Variants in LRRTM4 observed in about 807,000 individuals in gnomAD.
The protein encoded by LRRTM4 is leucine-rich repeat transmembrane neuronal protein 4.
Under a neutral mutation model 47.6 loss-of-function variants are expected in LRRTM4, and 25 were observed. The ratio of observed to expected loss-of-function variants is 0.53; its 90% CI spans 0.38 to 0.73. The LOEUF (loss-of-function observed/expected upper bound fraction) is 0.73. LRRTM4 is among the 30% of genes least tolerant of loss of function. The pLI is 0.00. For missense variants in LRRTM4, 638 were observed against 713.4 expected (o/e 0.89, Z 1.20); for synonymous variants, 311 against 269.5 (o/e 1.15, Z -1.51).
chr2:76,977,046 C>T (rs542137361), intron 3 of LRRTM4, among the ~76,000 whole-genome samples: 1 of 151,556 alleles, frequency 6.6e-6, no homozygotes, highest in South Asian at 2.1e-4. Context: ...TGTCAGTGTA[C>T]GTGTATGTGT....
At chr2:77,241,699 T>A (rs1675273198) in intron 3 of LRRTM4, among the ~76,000 whole-genome samples, 1 of 152,118 alleles carries the variant, frequency 6.6e-6, no homozygotes, top group African/African-American at 2.4e-5. Flanking sequence ...AATATATAAA[T>A]ATTCGCTAAT....
intron 3 of LRRTM4, among the ~76,000 whole-genome samples, chr2:77,033,616 T>C (rs889688109): frequency 2.0e-5 from 3 of 151,894 alleles, no homozygotes; most frequent in African/African-American, 7.2e-5. Flanking sequence ...TTGGGGCTCT[T>C]AGTTTAGATT....
At position 77,070,700 on chromosome 2, in the gene LRRTM4, C is replaced by T. The variant is rs373057145; in HGVS notation, c.1552-321784G>A. Among the ~76,000 whole-genome samples the T allele has an allele frequency of 1.2e-4, 18 of 152,110 alleles. 1 individual carries two copies. Among genetic ancestry groups the T allele is most frequent in the African/African-American group, 1.9e-4 (8 of 41,508 alleles). On this transcript the variant is annotated intron_variant, in intron 3 of 3. Transcript: ENST00000409884. The stretch of plus-strand genomic sequence containing the variant: ...GGCTAGAGGGCAATGGCATGCTCTC[C>T]GCTCACTGCATCTTCTGCCTCCCAG...
intron 3 of LRRTM4, among the ~76,000 whole-genome samples, chr2:77,021,335 G>A (rs773929617): frequency 6.6e-6 from 1 of 152,072 alleles, no homozygotes; most frequent in Non-Finnish European, 1.5e-5. Context: ...GGAGGGACAT[G>A]CATCAGTGGA....
intron 3 of LRRTM4, among the ~76,000 whole-genome samples, chr2:77,200,692 G>A (rs2103898630): frequency 6.6e-6 from 1 of 152,132 alleles, no homozygotes; most frequent in African/African-American, 2.4e-5. Context: ...TGCTACAAAG[G>A]TCAGCAGTTA....
intron 3 of LRRTM4, among the ~76,000 whole-genome samples, chr2:76,768,832 C>T (rs1020462421): frequency 2.6e-5 from 4 of 152,078 alleles, no homozygotes; most frequent in African/African-American, 7.2e-5. Context: ...TGCATGAAAC[C>T]GGTAAATATT....
chr2:77,105,139 A>G lies in LRRTM4; in HGVS notation c.1552-356223T>C, dbSNP rs191140296. ...ATTTAGAAATATGCCAATAAGTCCC[A>G]ATATGTGAATATTATTTGGATGCTG... is the stretch of plus-strand genomic sequence containing the variant. On this transcript the variant is annotated intron_variant, in intron 3 of 3. Transcript: ENST00000409884. Among the ~76,000 whole-genome samples the G allele has an allele frequency of 1.6e-4, 24 of 152,294 alleles. No individual in the cohort carries two copies. The East Asian group carries it at 4.4e-3, about 28-fold the overall frequency.
At chr2:76,914,448 T>C (rs1674176699) in intron 3 of LRRTM4, among the ~76,000 whole-genome samples, 1 of 152,152 alleles carries the variant, frequency 6.6e-6, no homozygotes, top group African/African-American at 2.4e-5. Flanking sequence ...ATCTGGATTA[T>C]ATTTTTTGTA....
intron 3 of LRRTM4, among the ~76,000 whole-genome samples, chr2:77,469,144 G>C (rs1016675251): frequency 1.3e-5 from 2 of 152,200 alleles, no homozygotes; most frequent in East Asian, 3.9e-4. Context: ...GAGGGAAAGA[G>C]GTTAGCTTAT....
At chr2:77,268,031 A>T (rs1208427270) in intron 3 of LRRTM4, among the ~76,000 whole-genome samples, 4 of 152,076 alleles carry the variant, frequency 2.6e-5, no homozygotes, top group Non-Finnish European at 5.9e-5. Flanking sequence ...TTTCTTTCAT[A>T]AATTTATACT....
chr2:77,129,601 T>C (rs757244995), intron 3 of LRRTM4, among the ~76,000 whole-genome samples: 1 of 152,190 alleles, frequency 6.6e-6, no homozygotes, highest in Non-Finnish European at 1.5e-5. Flanking sequence ...ATTTTCTAGT[T>C]TCATTAAGAT....
intron 3 of LRRTM4, among the ~76,000 whole-genome samples, chr2:77,414,505 T>C (rs1442933757): frequency 6.6e-6 from 1 of 152,194 alleles, no homozygotes; most frequent in Non-Finnish European, 1.5e-5. Context: ...ATACTTCTGT[T>C]TATCTCAGAT....
chr2:77,133,107 T>C (rs1344152215), intron 3 of LRRTM4, among the ~76,000 whole-genome samples: 2 of 152,212 alleles, frequency 1.3e-5, no homozygotes, highest in Non-Finnish European at 2.9e-5. Context: ...CTTCAAGTTT[T>C]TGAGCATAGC....
At chr2:76,994,567 G>A (rs995205696) in intron 3 of LRRTM4, among the ~76,000 whole-genome samples, 1 of 151,824 alleles carries the variant, frequency 6.6e-6, no homozygotes, top group Non-Finnish European at 1.5e-5. Flanking sequence ...GATTGTGGCA[G>A]GCTAACCTAT....
chr2:77,428,968 C>T (rs891258923), intron 3 of LRRTM4, among the ~76,000 whole-genome samples: 1 of 152,120 alleles, frequency 6.6e-6, no homozygotes, highest in African/African-American at 2.4e-5. Context: ...AAAGAACAGA[C>T]CTAAATTAAT....
At chr2:76,886,702 C>T (rs1471644796) in intron 3 of LRRTM4, among the ~76,000 whole-genome samples, 1 of 151,806 alleles carries the variant, frequency 6.6e-6, no homozygotes, top group Non-Finnish European at 1.5e-5. Flanking sequence ...AGAATAACCA[C>T]TTAGAAAGCG....
intron 3 of LRRTM4, among the ~76,000 whole-genome samples, chr2:76,793,596 T>C (rs1427356067): frequency 9.8e-6 from 1 of 102,484 alleles, no homozygotes; most frequent in Non-Finnish European, 1.9e-5. Flanking sequence ...CTCTTCACTG[T>C]GCTCTCGGTA....
At chr2:77,246,471 A>G (rs1276125308) in intron 3 of LRRTM4, among the ~76,000 whole-genome samples, 1 of 152,164 alleles carries the variant, frequency 6.6e-6, no homozygotes, top group African/African-American at 2.4e-5. Flanking sequence ...TAACATTTAA[A>G]TTAAAATCAA....
chr2:77,505,961 G>T (rs542419633), intron 3 of LRRTM4, among the ~76,000 whole-genome samples: 1 of 151,440 alleles, frequency 6.6e-6, no homozygotes, highest in African/African-American at 2.4e-5. Flanking sequence ...AAGAGAGAGC[G>T]ATACAAAAAT....
Sources: allele counts gnomAD v4.1 joint callset (sites outside exome capture counted in the v4.1 genomes callset), GRCh38; gene constraint gnomAD v4.1.1; transcripts MANE v1.5; gene names NCBI Gene and HGNC (gene_info 2026-07-23, HGNC 2026-07-21).